The following BRD10 variants were observed in gnomAD, a reference collection of about 807,000 sequenced individuals.
The protein encoded by BRD10 is uncharacterized bromodomain-containing protein 10.
At chr9:5,934,669 T>C in the BRD10 span, among the ~76,000 whole-genome samples, 1 of 152,068 alleles carries the variant, frequency 6.6e-6, no homozygotes, top group African/African-American at 2.4e-5. Context: ...CCCGGCCATA[T>C]TATGTTTTTT....
chr9:5,916,676 CAGA>C, the BRD10 span, among the ~76,000 whole-genome samples: 3 of 151,804 alleles, frequency 2.0e-5, no homozygotes, highest in Admixed American at 6.6e-5. Flanking sequence ...GCTAACACAC[CAGA>C]AGGAGGCAGG....
the BRD10 span, among the ~76,000 whole-genome samples, chr9:5,885,745 GA>G: frequency 5.9e-5 from 9 of 152,172 alleles, no homozygotes; most frequent in African/African-American, 2.2e-4. Context: ...GATGAAGACG[GA>G]ATAGCTCAGA....
the BRD10 span, chr9:5,923,149 T>C: frequency 6.2e-7 from 1 of 1,614,022 alleles, no homozygotes; most frequent in East Asian, 2.2e-5. Context: ...CCTTCTTCCT[T>C]GGAGAAAGCT....
At chr9:5,965,563 A>G in the BRD10 span, among the ~76,000 whole-genome samples, 1 of 152,238 alleles carries the variant, frequency 6.6e-6, no homozygotes, top group Non-Finnish European at 1.5e-5. Context: ...TGATTACAGG[A>G]GTAATTCCCA....
the BRD10 span, among the ~76,000 whole-genome samples, chr9:5,990,100 T>C: frequency 2.6e-5 from 4 of 152,156 alleles, no homozygotes; most frequent in African/African-American, 9.7e-5. Context: ...ACTGAAGAAT[T>C]TGGGCTAATC....
At chr9:5,933,991 G>A in the BRD10 span, 1 of 338,588 alleles carries the variant, frequency 3.0e-6, no homozygotes, top group South Asian at 2.4e-5. Flanking sequence ...AAACTTAGGT[G>A]AAAGTCACTT....
At chr9:6,000,057 A>G in the BRD10 span, among the ~76,000 whole-genome samples, 23 of 152,306 alleles carry the variant, frequency 1.5e-4, no homozygotes, top group Admixed American at 2.0e-4. Context: ...TGCTTATTGT[A>G]GAATATCTAG....
chr9:6,006,822 C>T, the BRD10 span, among the ~76,000 whole-genome samples: 1 of 152,250 alleles, frequency 6.6e-6, no homozygotes, highest in Non-Finnish European at 1.5e-5. Context: ...ATCCTAAACG[C>T]TGTTTTAAAT....
At chr9:5,998,254 C>G in the BRD10 span, among the ~76,000 whole-genome samples, 1 of 150,616 alleles carries the variant, frequency 6.6e-6, no homozygotes, top group Non-Finnish European at 1.5e-5. Flanking sequence ...GAGATTTTCT[C>G]TTGTACTGTT....
At chr9:6,003,738 C>T in the BRD10 span, among the ~76,000 whole-genome samples, 2 of 151,910 alleles carry the variant, frequency 1.3e-5, no homozygotes, top group Admixed American at 1.3e-4. Flanking sequence ...GAATTTTAGT[C>T]CTACTTCTCT....
At chr9:5,986,005 A>T in the BRD10 span, among the ~76,000 whole-genome samples, 88,352 of 151,912 alleles carry the variant, frequency 0.58, 26,774 homozygotes, top group Non-Finnish European at 0.69. Context: ...ATACAAGTGC[A>T]GGACATGCAG....
At chr9:5,975,314 C>T in the BRD10 span, among the ~76,000 whole-genome samples, 2 of 151,734 alleles carry the variant, frequency 1.3e-5, no homozygotes, top group African/African-American at 2.4e-5. Context: ...TGGTGCATGC[C>T]TGTAATCCCA....
At chr9:5,919,218 C>T in the BRD10 span, 2 of 153,362 alleles carry the variant, frequency 1.3e-5, no homozygotes, top group East Asian at 3.8e-4. Context: ...TCATGGACTG[C>T]ATTTTTCACA....
chr9:5,975,791 C>A, the BRD10 span, among the ~76,000 whole-genome samples: 146,177 of 152,238 alleles, frequency 0.96, 70,489 homozygotes, highest in Non-Finnish European at 0.99. Context: ...GGAAAAAATA[C>A]ACTTAATCAT....
chr9:5,918,952 C>G, the BRD10 span: 2 of 152,610 alleles, frequency 1.3e-5, no homozygotes, highest in East Asian at 3.9e-4. Flanking sequence ...AAAGGACTGT[C>G]TTCAATTACA....
At chr9:5,925,105 T>C in the BRD10 span, among the ~76,000 whole-genome samples, 1 of 152,042 alleles carries the variant, frequency 6.6e-6, no homozygotes, top group Non-Finnish European at 1.5e-5. Context: ...ATGCCTATAA[T>C]CCCAGCACTT....
the BRD10 span, among the ~76,000 whole-genome samples, chr9:5,883,462 CTTTTTT>C: frequency 0.089 from 9,119 of 102,454 alleles, 364 homozygotes; most frequent in South Asian, 0.2. Context: ...CCTTCTTCTT[CTTTTTT>C]TTTTTTTTTT....
the BRD10 span, among the ~76,000 whole-genome samples, chr9:5,966,455 C>CTTTTTTTTTTTTTTTTT: frequency 1.2e-5 from 1 of 83,750 alleles, no homozygotes; most frequent in Non-Finnish European, 2.1e-5. Flanking sequence ...CTAACATTTC[C>CTTTTTTTTTTTTTTTTT]TTTTTTTTTT....
the BRD10 span, among the ~76,000 whole-genome samples, chr9:5,976,636 G>A: frequency 6.6e-6 from 1 of 152,064 alleles, no homozygotes; most frequent in Admixed American, 6.5e-5. Context: ...AAAATATAAT[G>A]TTGTTTATGG....
Sources: gnomAD v4.1 joint callset for allele counts (sites outside exome capture counted in the v4.1 genomes callset) on GRCh38, gnomAD v4.1.1 for gene constraint, MANE v1.5 for transcripts, NCBI Gene and HGNC (gene_info 2026-07-23, HGNC 2026-07-21) for gene names.